The following MORC3 variants were observed in gnomAD, a reference collection of about 807,000 sequenced individuals.
MORC3 encodes MORC family CW-type zinc finger protein 3.
In MORC3, 31 loss-of-function variants were observed where a neutral mutation model predicts 109.1. That is an observed-to-expected ratio of 0.28 (90% confidence interval 0.21 to 0.38). The LOEUF is 0.38. Ranked by LOEUF, MORC3 falls within the 10% of genes least tolerant of loss-of-function variation. MORC3 has a pLI of 1.00. For missense variants in MORC3, 867 were observed against 1,135.8 expected (o/e 0.76, Z 3.40); for synonymous variants, 395 against 380.7 (o/e 1.04, Z -0.44).
intron 14 of MORC3, among the ~76,000 whole-genome samples, chr21:36,365,716 GGT>G (rs2085773419): frequency 6.6e-6 from 1 of 152,022 alleles, no homozygotes; most frequent in Non-Finnish European, 1.5e-5. Flanking sequence ...GAGTAGCTGG[GGT>G]TACAGGCACG....
Position 36,336,948 on chromosome 21 carries a change from T to C in MORC3, c.187T>C (p.Leu63=). Residue 63 remains leucine (L), a synonymous_variant, in exon 3 of 17, where the codon TTG becomes CTG. Coordinates refer to ENST00000400485, the MANE Select transcript of MORC3 (RefSeq NM_015358.3). Reference sequence around the variant, plus strand: ...AACAGTGATAAATGACCATATATGCTTGACATTCACCGACAATGGGAATGG... The same window carrying C: ...AACAGTGATAAATGACCATATATGCCTGACATTCACCGACAATGGGAATGG... ...DKTVINDHIC[L]TFTDNGNGMT... 6.2e-7 allele frequency: 1 copy of C among 1,613,372 alleles called. No homozygotes were observed. Among genetic ancestry groups the C allele is most frequent in the East Asian group, 2.2e-5 (1 of 44,818 alleles).
intron 1 of MORC3, among the ~76,000 whole-genome samples, chr21:36,327,427 C>T (rs1160764328): frequency 6.6e-6 from 1 of 150,958 alleles, no homozygotes; most frequent in Non-Finnish European, 1.5e-5. Context: ...GCTGGGATTA[C>T]AGGAGTGAAC....
chr21:36,374,621 T>C (rs1022841280), intron 16 of MORC3, among the ~76,000 whole-genome samples: 3 of 152,064 alleles, frequency 2.0e-5, no homozygotes, highest in Non-Finnish European at 2.9e-5. Context: ...TGAAACCCCA[T>C]TGCTACAAAT....
At chr21:36,354,323 C>CTTTTTT (rs144208712) in intron 9 of MORC3, among the ~76,000 whole-genome samples, 59 of 113,622 alleles carry the variant, frequency 5.2e-4, no homozygotes, top group Non-Finnish European at 5.3e-4. Context: ...TTCTTTCTTT[C>CTTTTTT]TTTTTTTTTT....
intron 12 of MORC3, 137 bp downstream of exon 12, chr21:36,360,395 A>C: frequency 1.2e-6 from 1 of 850,618 alleles, no homozygotes; most frequent in Non-Finnish European, 1.8e-6. Context: ...GCGTAATATC[A>C]AGGGCTTTAA....
chr21:36,338,182 T>C (rs2085394860), intron 4 of MORC3, among the ~76,000 whole-genome samples: 2 of 152,198 alleles, frequency 1.3e-5, no homozygotes, highest in Admixed American at 1.3e-4. Context: ...CCATAGCTCT[T>C]CTGTTTACTT....
chr21:36,353,579 A>G (rs913591171), intron 9 of MORC3, among the ~76,000 whole-genome samples: 1 of 150,576 alleles, frequency 6.6e-6, no homozygotes, highest in African/African-American at 2.4e-5. Flanking sequence ...CATCTCTACT[A>G]TTTTATTTAT....
At chr21:36,361,169 A>G (rs2085710476) in intron 12 of MORC3, among the ~76,000 whole-genome samples, 1 of 152,028 alleles carries the variant, frequency 6.6e-6, no homozygotes, top group South Asian at 2.1e-4. Context: ...ACAGAAGGCC[A>G]GGTTACTAAG....
At chr21:36,328,902 G>C (rs2085279959) in intron 1 of MORC3, among the ~76,000 whole-genome samples, 1 of 100,618 alleles carries the variant, frequency 9.9e-6, no homozygotes, top group South Asian at 5.4e-4. Context: ...GATAGCTGAT[G>C]AGGTAAAAAA....
rs61739929 is a variant in MORC3, at chr21:36,369,631, T to G, written c.2263T>G (p.Leu755Val). The G allele has an allele frequency of 6.2e-7, 1 of 1,614,092 alleles. No homozygotes were observed. Among genetic ancestry groups the G allele is most frequent in the African/African-American group, 1.3e-5 (1 of 74,936 alleles). Residue 755 changes from leucine (L) to valine (V), a missense_variant, in exon 15 of 17, where the codon TTA (leucine) becomes GTA (valine). Leu to Val is a conservative substitution (Grantham distance 32, BLOSUM62 1). This residue lies in a region of MORC3 where 486 missense variants were observed against 502.1 expected (regional missense o/e 0.97). Coordinates refer to ENST00000400485, the MANE Select transcript of MORC3 (RefSeq NM_015358.3). ...GTCCACTGAAACCGATGCTGTATTT[T>G]TACTTGAAAGTATTAATGGCAAATC... is the stretch of plus-strand genomic sequence containing the variant. ...HQSTETDAVF[L>V]LESINGKSES... is the part of the protein sequence containing the mutation.
At chr21:36,365,051 C>CAAA (rs72445251) in intron 14 of MORC3, among the ~76,000 whole-genome samples, 46,328 of 93,918 alleles carry the variant, frequency 0.49, 11,579 homozygotes, top group Middle Eastern at 0.63. Flanking sequence ...GACTCCATCT[C>CAAA]AAAAAAAAAA....
intron 10 of MORC3, among the ~76,000 whole-genome samples, chr21:36,359,509 GTGCCT>G (rs1346741689): frequency 6.7e-6 from 1 of 150,018 alleles, no homozygotes. Flanking sequence ...ATGAGCTACC[GTGCCT>G]TGCCTTGCCT....
chr21:36,328,215 A>G (rs1247348720), intron 1 of MORC3, among the ~76,000 whole-genome samples: 1 of 151,890 alleles, frequency 6.6e-6, no homozygotes, highest in African/African-American at 2.4e-5. Context: ...TACATTTGAT[A>G]TGATCAAAAA....
chr21:36,342,485 C>G (rs2085460540), intron 6 of MORC3, among the ~76,000 whole-genome samples: 1 of 152,070 alleles, frequency 6.6e-6, no homozygotes, highest in African/African-American at 2.4e-5. Flanking sequence ...TCACTGCAGC[C>G]TCTGCCTCCT....
chr21:36,356,777 T>G, intron 10 of MORC3, 53 bp downstream of exon 10: 4 of 1,189,666 alleles, frequency 3.4e-6, no homozygotes, highest in Non-Finnish European at 4.8e-6. Flanking sequence ...GATGTGGTAT[T>G]AGAGAGTAAA....
Position 36,337,850 on chromosome 21 carries a change from G to A in MORC3, c.364G>A (p.Gly122Arg). 3 of 1,614,188 alleles carry A rather than the reference G, an allele frequency of 1.9e-6. No individual in the cohort carries two copies. Among genetic ancestry groups the A allele is most frequent in the South Asian group, 1.1e-5 (1 of 91,086 alleles). ...AGACGCAATCGTTTTTACCAAAAAT[G>A]GAGAAAGCATGAGCGTGGGCCTTTT... ...GKDAIVFTKN[G>R]ESMSVGLLSQ... is the part of the protein sequence containing the mutation. Residue 122 changes from glycine (G) to arginine (R), a missense_variant, in exon 4 of 17, where the codon GGA becomes AGA. Around this residue, in one of 7 missense-constraint regions of MORC3, gnomAD observed 134 missense variants for 166.6 expected, o/e 0.80. Coordinates refer to ENST00000400485, the MANE Select transcript of MORC3 (RefSeq NM_015358.3).
intron 15 of MORC3, among the ~76,000 whole-genome samples, chr21:36,370,631 ATATATATATTTTTTTTTTTTTT>A (rs1355470102): frequency 1.6e-3 from 38 of 23,814 alleles, no homozygotes; most frequent in African/African-American, 4.7e-3. Context: ...ATATATATAT[ATATATATATTTTTTTTTTTTTT>A]TTTTTTTTTT....
At chr21:36,370,790 G>A (rs886825844) in intron 15 of MORC3, among the ~76,000 whole-genome samples, 3 of 150,636 alleles carry the variant, frequency 2.0e-5, no homozygotes, top group Non-Finnish European at 4.4e-5. Flanking sequence ...CTGCCTCAGC[G>A]TCCCGAGTAG....
rs930765549 is a variant in MORC3, at chr21:36,334,537, C to T, written c.112+819C>T. On this transcript the variant is annotated intron_variant, in intron 2 of 16. Transcript: ENST00000400485. ...CTGGTCTCAAACTCCTGGGCTCAGG[C>T]GATCCTCCCACCTCAGCCTCAGGAG... Among the ~76,000 whole-genome samples, 4 of 152,064 alleles carry T rather than the reference C, an allele frequency of 2.6e-5. No homozygotes were observed. In the East Asian group the frequency reaches 5.8e-4, roughly 22 times the overall value.
Sources: allele counts gnomAD v4.1 joint callset (sites outside exome capture counted in the v4.1 genomes callset), GRCh38; gene constraint gnomAD v4.1.1; regional missense constraint gnomAD v4.1.1; transcripts MANE v1.5; gene names NCBI Gene and HGNC (gene_info 2026-07-23, HGNC 2026-07-21).